The following PPFIA2 variants were observed in gnomAD, a reference collection of about 807,000 sequenced individuals.
PPFIA2 encodes the protein PPFI scaffold protein A2.
A neutral mutation model predicts 175.5 loss-of-function variants in PPFIA2; 46 were observed. That is an observed-to-expected ratio of 0.26 (90% CI 0.21 to 0.34). The LOEUF (loss-of-function observed/expected upper bound fraction) is 0.34, where lower values mean the gene tolerates loss of function less well. Among genes scored for constraint, PPFIA2 ranks in the 10% least tolerant of loss-of-function variants. The pLI, the probability that PPFIA2 is intolerant of heterozygous loss-of-function variation, is 1.00. For synonymous variants in PPFIA2, 568 were observed against 511.4 expected (o/e 1.11, Z -1.49); for missense variants, 1,179 against 1,506.1 (o/e 0.78, Z 3.60).
chr12:81,450,750 C>G (rs1165231845), intron 5 of PPFIA2, among the ~76,000 whole-genome samples: 1 of 152,018 alleles, frequency 6.6e-6, no homozygotes, highest in East Asian at 1.9e-4. Context: ...AGGTTTTCTT[C>G]TAGGGTTTTT....
chr12:81,662,951 C>A (rs1156748699), intron 4 of PPFIA2, among the ~76,000 whole-genome samples: 5 of 152,188 alleles, frequency 3.3e-5, no homozygotes, highest in Admixed American at 3.3e-4. Context: ...ACAACAAAAA[C>A]CACATGATTA....
intron 4 of PPFIA2, among the ~76,000 whole-genome samples, chr12:81,554,022 C>A (rs1567304586): frequency 6.6e-6 from 1 of 151,738 alleles, no homozygotes; most frequent in African/African-American, 2.4e-5. Flanking sequence ...TTTAATACAA[C>A]TTTTTTTTGC....
chr12:81,685,908 T>C (rs147411754), intron 3 of PPFIA2, among the ~76,000 whole-genome samples: 286 of 152,194 alleles, frequency 1.9e-3, no homozygotes, highest in Middle Eastern at 6.8e-3. Flanking sequence ...ACTGCCGCAT[T>C]AGGTAACATC....
chr12:81,408,898 C>T (rs1379016266), intron 7 of PPFIA2, among the ~76,000 whole-genome samples: 1 of 152,082 alleles, frequency 6.6e-6, no homozygotes, highest in Admixed American at 6.6e-5. Flanking sequence ...GTTATGAAAC[C>T]AAAGTTTCAG....
chr12:81,604,260 G>C (rs905582975), intron 4 of PPFIA2, among the ~76,000 whole-genome samples: 1 of 151,706 alleles, frequency 6.6e-6, no homozygotes, highest in Admixed American at 6.6e-5. Context: ...GCATGGAAAT[G>C]GTTGGGAAAA....
intron 4 of PPFIA2, among the ~76,000 whole-genome samples, chr12:81,622,687 T>C (rs1432878989): frequency 6.6e-6 from 1 of 152,104 alleles, no homozygotes; most frequent in Non-Finnish European, 1.5e-5. Flanking sequence ...ATAACTGATA[T>C]TGGAAGTACT....
chr12:81,368,242 G>T, intron 13 of PPFIA2: 1 of 1,005,340 alleles, frequency 9.9e-7, no homozygotes, highest in Non-Finnish European at 1.4e-6. Flanking sequence ...TAATGCAGCT[G>T]AAAATACTGG....
At chr12:81,327,265 T>C (rs1437068443) in intron 21 of PPFIA2, among the ~76,000 whole-genome samples, 4 of 152,062 alleles carry the variant, frequency 2.6e-5, no homozygotes, top group Admixed American at 2.0e-4. Flanking sequence ...AAATTTGTTT[T>C]AGTTATTATT....
chr12:81,482,221 TAA>T lies in PPFIA2; in HGVS notation c.304-24357_304-24356del, dbSNP rs1432957208. 5.3e-5 allele frequency among the ~76,000 whole-genome samples: 8 copies of T among 152,284 alleles called. No individual in the cohort carries two copies. In the South Asian group the frequency reaches 1.0e-3, roughly 20 times the overall value. On this transcript the variant is annotated intron_variant, in intron 4 of 32. Coordinates refer to ENST00000549396, the MANE Select transcript of PPFIA2 (RefSeq NM_003625.5). The stretch of plus-strand genomic sequence containing the variant: ...TCATGCCAGTTAGAATGGCAATTAT[TAA>T]AAAGTCAGGAAACAACAGATGCTGG...
At chr12:81,718,129 C>A (rs1414846183) in intron 3 of PPFIA2, among the ~76,000 whole-genome samples, 1 of 151,438 alleles carries the variant, frequency 6.6e-6, no homozygotes, top group Non-Finnish European at 1.5e-5. Flanking sequence ...AGAAGGGTGA[C>A]AAATAATAAA....
At chr12:81,724,793 G>A (rs2079834217) in intron 3 of PPFIA2, among the ~76,000 whole-genome samples, 1 of 151,000 alleles carries the variant, frequency 6.6e-6, no homozygotes, top group African/African-American at 2.4e-5. Flanking sequence ...ATAAACATAA[G>A]GGGGAAGGTG....
At chr12:81,462,651 C>A (rs1243681466) in intron 4 of PPFIA2, among the ~76,000 whole-genome samples, 2 of 144,464 alleles carry the variant, frequency 1.4e-5, no homozygotes, top group African/African-American at 2.5e-5. Context: ...ACAAATTATT[C>A]AGAAAATCTT....
chr12:81,344,618 TA>T, intron 19 of PPFIA2, 45 bp downstream of exon 19: 1 of 1,371,268 alleles, frequency 7.3e-7, no homozygotes, highest in Non-Finnish European at 1.0e-6. Flanking sequence ...TTTCATAGAA[TA>T]AAACAGTATT....
At chr12:81,327,429 GC>G (rs766853893) in intron 21 of PPFIA2, among the ~76,000 whole-genome samples, 1 of 152,014 alleles carries the variant, frequency 6.6e-6, no homozygotes, top group Admixed American at 6.6e-5. Flanking sequence ...TACAGTGAGT[GC>G]ATATTTTCAT....
chr12:81,508,217 C>G (rs1046791446), intron 4 of PPFIA2, among the ~76,000 whole-genome samples: 1 of 151,904 alleles, frequency 6.6e-6, no homozygotes, highest in Non-Finnish European at 1.5e-5. Context: ...AATGAGATAA[C>G]ATTTATGGTA....
At chr12:81,474,381 T>A (rs1472754178) in intron 4 of PPFIA2, among the ~76,000 whole-genome samples, 1 of 152,048 alleles carries the variant, frequency 6.6e-6, no homozygotes, top group Non-Finnish European at 1.5e-5. Context: ...GCTCTCAAAC[T>A]CCTGGCCTCA....
intron 7 of PPFIA2, among the ~76,000 whole-genome samples, chr12:81,432,206 C>G (rs1429373100): frequency 6.6e-6 from 1 of 152,124 alleles, no homozygotes; most frequent in East Asian, 1.9e-4. Context: ...CATCTGTCTT[C>G]CGAACTTCAT....
intron 7 of PPFIA2, among the ~76,000 whole-genome samples, chr12:81,434,650 G>C (rs1424648983): frequency 6.6e-6 from 1 of 151,974 alleles, no homozygotes; most frequent in Non-Finnish European, 1.5e-5. Context: ...AACTTCTCTG[G>C]TCTCATCTGT....
intron 4 of PPFIA2, among the ~76,000 whole-genome samples, chr12:81,504,003 ATTAAAG>A (rs1197325476): frequency 6.6e-6 from 1 of 152,080 alleles, no homozygotes; most frequent in African/African-American, 2.4e-5. Flanking sequence ...AAATAAGATG[ATTAAAG>A]TTAGACAGTG....
Sources: gnomAD v4.1 joint callset for allele counts (sites outside exome capture counted in the v4.1 genomes callset) on GRCh38, gnomAD v4.1.1 for gene constraint, MANE v1.5 for transcripts, NCBI Gene and HGNC (gene_info 2026-07-23, HGNC 2026-07-21) for gene names.